PPM1L: variants seen among roughly 807,000 people sequenced by gnomAD.
PPM1L encodes the protein protein phosphatase 1L.
In PPM1L, 13 loss-of-function variants were observed where a neutral mutation model predicts 31.4. The observed-to-expected ratio is 0.41, with a 90% CI of 0.27 to 0.66. The LOEUF is 0.66. Ranked by LOEUF, PPM1L falls within the 30% of genes least tolerant of loss-of-function variation. The pLI is 0.29. For missense variants in PPM1L, 326 were observed against 453.7 expected (o/e 0.72, Z 2.56); for synonymous variants, 184 against 175.4 (o/e 1.05, Z -0.39).
chr3:160,759,547 A>G (rs1277646105), intron 1 of PPM1L, among the ~76,000 whole-genome samples: 1 of 152,158 alleles, frequency 6.6e-6, no homozygotes, highest in Admixed American at 6.6e-5. Flanking sequence ...ATTGGCTTGA[A>G]TATTTACCTA....
intron 2 of PPM1L, among the ~76,000 whole-genome samples, chr3:161,040,923 G>A: frequency 6.6e-6 from 1 of 152,058 alleles, no homozygotes; most frequent in East Asian, 1.9e-4. Context: ...TGTCCTTTGT[G>A]GGGGAAAATT....
chr3:161,063,873 C>T (rs540818211), intron 2 of PPM1L, among the ~76,000 whole-genome samples: 133 of 152,208 alleles, frequency 8.7e-4, no homozygotes, highest in African/African-American at 2.9e-3. Context: ...TTTGCAGGGA[C>T]GTGGATGAAG....
chr3:160,801,787 C>T (rs1044995117), intron 1 of PPM1L, among the ~76,000 whole-genome samples: 4 of 152,224 alleles, frequency 2.6e-5, no homozygotes, highest in Admixed American at 6.5e-5. Context: ...GGTAATTTGA[C>T]TGTCATATAT....
At chr3:161,036,207 G>C (rs1017923807) in intron 2 of PPM1L, 7 of 152,162 alleles carry the variant, frequency 4.6e-5, no homozygotes, top group African/African-American at 7.2e-5. Context: ...CTGAAAAGTT[G>C]TTTACCTTTG....
At chr3:160,824,881 C>T (rs1179416416) in intron 1 of PPM1L, among the ~76,000 whole-genome samples, 5 of 152,036 alleles carry the variant, frequency 3.3e-5, no homozygotes, top group Non-Finnish European at 5.9e-5. Context: ...TACTCTCTTT[C>T]CTGCCTTGGG....
chr3:160,975,325 C>A (rs1342056850), intron 2 of PPM1L, among the ~76,000 whole-genome samples: 1 of 151,718 alleles, frequency 6.6e-6, no homozygotes, highest in Non-Finnish European at 1.5e-5. Context: ...CAGCTTTGTT[C>A]TTTTGGCTTA....
At chr3:161,051,227 T>C (rs1041668317) in intron 2 of PPM1L, among the ~76,000 whole-genome samples, 9 of 152,172 alleles carry the variant, frequency 5.9e-5, no homozygotes, top group African/African-American at 1.9e-4. Flanking sequence ...TAAGTGTCTG[T>C]TTGGTTTTAT....
At chr3:161,057,512 GCGTTAATTTAATA>G (rs1202856751) in intron 2 of PPM1L, among the ~76,000 whole-genome samples, 3 of 151,980 alleles carry the variant, frequency 2.0e-5, no homozygotes, top group Non-Finnish European at 4.4e-5. Context: ...GTAATCTTGG[GCGTTAATTTAATA>G]GAAAGCCCGG....
chr3:161,001,597 T>C (rs1355822076), intron 2 of PPM1L, among the ~76,000 whole-genome samples: 1 of 152,144 alleles, frequency 6.6e-6, no homozygotes, highest in Non-Finnish European at 1.5e-5. Context: ...GGAAAATATA[T>C]GAAACTCAAT....
At chr3:160,893,724 A>C (rs1163199747) in intron 1 of PPM1L, among the ~76,000 whole-genome samples, 1 of 152,198 alleles carries the variant, frequency 6.6e-6, no homozygotes, top group Non-Finnish European at 1.5e-5. Context: ...CTGAGTTATA[A>C]AATTTGCTTC....
chr3:161,056,867 A>G (rs1235424830), intron 2 of PPM1L, among the ~76,000 whole-genome samples: 1 of 151,892 alleles, frequency 6.6e-6, no homozygotes, highest in Non-Finnish European at 1.5e-5. Flanking sequence ...TTCAAGACCA[A>G]CCTGGACAAT....
At chr3:160,936,317 T>C (rs1244201203) in intron 1 of PPM1L, among the ~76,000 whole-genome samples, 1 of 152,056 alleles carries the variant, frequency 6.6e-6, no homozygotes, top group African/African-American at 2.4e-5. Context: ...GGTCTCAAAC[T>C]CCTAACCTCG....
chr3:161,026,307 C>A (rs987480668), intron 2 of PPM1L, among the ~76,000 whole-genome samples: 3 of 152,142 alleles, frequency 2.0e-5, no homozygotes, highest in Non-Finnish European at 4.4e-5. Flanking sequence ...GGGGAATTTC[C>A]ACAAAAGGAG....
chr3:160,799,654 A>G (rs893608496), intron 1 of PPM1L, among the ~76,000 whole-genome samples: 2 of 152,182 alleles, frequency 1.3e-5, no homozygotes, highest in Non-Finnish European at 2.9e-5. Flanking sequence ...ACATGCCTGC[A>G]TGTTCGTATC....
intron 1 of PPM1L, among the ~76,000 whole-genome samples, chr3:160,871,206 TC>T (rs1401974892): frequency 6.6e-6 from 1 of 152,220 alleles, no homozygotes; most frequent in African/African-American, 2.4e-5. Flanking sequence ...ACTGTTCAAA[TC>T]CTTTTTGGAA....
intron 1 of PPM1L, among the ~76,000 whole-genome samples, chr3:160,778,366 C>T (rs550075140): frequency 6.6e-6 from 1 of 152,112 alleles, no homozygotes; most frequent in South Asian, 2.1e-4. Context: ...TAATTTCAAA[C>T]TTACAAGAAA....
chr3:160,814,548 T>TAC (rs1212031148), intron 1 of PPM1L, among the ~76,000 whole-genome samples: 2 of 117,722 alleles, frequency 1.7e-5, no homozygotes, highest in East Asian at 2.1e-4. Context: ...TGTGTATATA[T>TAC]ACACACACAC....
chr3:160,999,653 A>G (rs1559918740), intron 2 of PPM1L, among the ~76,000 whole-genome samples: 1 of 152,238 alleles, frequency 6.6e-6, no homozygotes, highest in Non-Finnish European at 1.5e-5. Context: ...CAGTAAAGAC[A>G]TAGCTTCCTG....
intron 1 of PPM1L, among the ~76,000 whole-genome samples, chr3:160,766,697 GAAAAA>G (rs72071223): frequency 7.0e-6 from 1 of 142,972 alleles, no homozygotes; most frequent in Non-Finnish European, 1.5e-5. Context: ...TTGTACTTCT[GAAAAA>G]AAAAAGAAGC....
Sources: gnomAD v4.1 joint callset for allele counts (sites outside exome capture counted in the v4.1 genomes callset) on GRCh38, gnomAD v4.1.1 for gene constraint, MANE v1.5 for transcripts, NCBI Gene and HGNC (gene_info 2026-07-23, HGNC 2026-07-21) for gene names.